RNGTT: variants seen among roughly 807,000 people sequenced by gnomAD.
RNGTT encodes mRNA-capping enzyme.
RNGTT carries 33 observed loss-of-function variants against 79.3 expected under a neutral mutation model. The observed-to-expected ratio is 0.42, with a 90% CI of 0.32 to 0.56. The LOEUF (loss-of-function observed/expected upper bound fraction) is 0.56, where lower values mean the gene tolerates loss of function less well. Ranked by LOEUF, RNGTT falls within the 20% of genes least tolerant of loss-of-function variation. The probability of loss-of-function intolerance (pLI) is 0.17; values close to 1 mark genes in which losing one functional copy is unlikely to be tolerated. For missense variants in RNGTT, 497 were observed against 739.1 expected, an observed-to-expected ratio of 0.67 and a Z score of 3.80; for synonymous variants, 222 against 235.9, an observed-to-expected ratio of 0.94 and a Z score of 0.54.
intron 11 of RNGTT, among the ~76,000 whole-genome samples, chr6:88,830,608 C>CAA (rs947332503): frequency 1.7e-4 from 24 of 139,852 alleles, no homozygotes; most frequent in Non-Finnish European, 1.7e-4. Context: ...GAGAGAGACA[C>CAA]AAAAAAAAAA....
At chr6:88,731,846 C>G (rs1279358355) in intron 13 of RNGTT, among the ~76,000 whole-genome samples, 1 of 151,954 alleles carries the variant, frequency 6.6e-6, no homozygotes, top group Non-Finnish European at 1.5e-5. Flanking sequence ...TGACCAGAAG[C>G]CTTACCAATA....
Position 88,716,902 on chromosome 6 carries a change from G to C in RNGTT, c.1440-38483C>G, listed in dbSNP as rs951519065. Reference sequence around the variant, plus strand: ...TTACTGGGTGCAGCACACCAACTTGGCACATGTATACATATGTAACTAACC... The same window carrying C: ...TTACTGGGTGCAGCACACCAACTTGCCACATGTATACATATGTAACTAACC... On this transcript the variant is annotated intron_variant, in intron 13 of 15. Coordinates refer to ENST00000369485, the MANE Select transcript of RNGTT (RefSeq NM_003800.5). 2.0e-5 allele frequency among the ~76,000 whole-genome samples: 3 copies of C among 151,962 alleles called. No homozygotes were observed. The East Asian group carries it at 5.8e-4, about 29-fold the overall frequency.
At chr6:88,955,057 C>T (rs1360820087) in intron 1 of RNGTT, among the ~76,000 whole-genome samples, 2 of 151,388 alleles carry the variant, frequency 1.3e-5, no homozygotes, top group Non-Finnish European at 2.9e-5. Flanking sequence ...GACTCCATCT[C>T]AGAAAAAATA....
intron 14 of RNGTT, among the ~76,000 whole-genome samples, chr6:88,643,145 CTTACATTTGG>C (rs1239173429): frequency 1.3e-5 from 2 of 151,920 alleles, no homozygotes; most frequent in African/African-American, 4.8e-5. Flanking sequence ...CTTACATTAG[CTTACATTTGG>C]GAAAAAAAAT....
intron 13 of RNGTT, among the ~76,000 whole-genome samples, chr6:88,696,504 G>A (rs555481172): frequency 6.6e-6 from 1 of 151,980 alleles, no homozygotes; most frequent in African/African-American, 2.4e-5. Context: ...AATGATTTAT[G>A]TGGGAATTAG....
At chr6:88,636,957 T>A (rs1278077491) in intron 14 of RNGTT, among the ~76,000 whole-genome samples, 1 of 152,066 alleles carries the variant, frequency 6.6e-6, no homozygotes, top group Non-Finnish European at 1.5e-5. Context: ...TTGAATCAGA[T>A]GCTTTTGATA....
chr6:88,893,663 G>T (rs898551027), intron 6 of RNGTT, among the ~76,000 whole-genome samples: 9 of 152,070 alleles, frequency 5.9e-5, no homozygotes. Flanking sequence ...ACTGAGTCTG[G>T]TTATAAAAGT....
chr6:88,902,690 CTTTTTTTT>C (rs71024315), intron 6 of RNGTT, among the ~76,000 whole-genome samples: 2 of 82,700 alleles, frequency 2.4e-5, no homozygotes, highest in South Asian at 4.8e-4. Flanking sequence ...ATAGTGAAAT[CTTTTTTTT>C]TTTTTTTTTT....
At chr6:88,949,023 CTTGTTTAT>C (rs1785134295) in intron 1 of RNGTT, among the ~76,000 whole-genome samples, 2 of 119,366 alleles carry the variant, frequency 1.7e-5, no homozygotes, top group South Asian at 6.1e-4. Context: ...CCTTTGTTCA[CTTGTTTAT>C]CTGCTGACCT....
chr6:88,721,029 C>T (rs748395677), intron 13 of RNGTT, among the ~76,000 whole-genome samples: 7 of 152,034 alleles, frequency 4.6e-5, no homozygotes, highest in Non-Finnish European at 7.4e-5. Context: ...AACCTCTTTC[C>T]CTCTTTGGAA....
chr6:88,641,769 A>G (rs975560552), intron 14 of RNGTT, among the ~76,000 whole-genome samples: 2 of 152,250 alleles, frequency 1.3e-5, no homozygotes, highest in African/African-American at 4.8e-5. Context: ...CTCATTGAAG[A>G]AAAGAAACCA....
At chr6:88,834,457 TA>T (rs1167737111) in intron 11 of RNGTT, among the ~76,000 whole-genome samples, 1 of 152,168 alleles carries the variant, frequency 6.6e-6, no homozygotes, top group Non-Finnish European at 1.5e-5. Flanking sequence ...ACAAACATGA[TA>T]AGGAATGGTC....
At chr6:88,950,379 T>C (rs1785202438) in intron 1 of RNGTT, among the ~76,000 whole-genome samples, 1 of 152,076 alleles carries the variant, frequency 6.6e-6, no homozygotes, top group African/African-American at 2.4e-5. Context: ...ACAGAGTGGG[T>C]TCCCTAAAAA....
At chr6:88,740,275 T>G (rs1166083972) in intron 13 of RNGTT, among the ~76,000 whole-genome samples, 1 of 151,846 alleles carries the variant, frequency 6.6e-6, no homozygotes, top group East Asian at 1.9e-4. Context: ...CCTAGCACTT[T>G]GGGGGGGCCG....
chr6:88,666,779 G>A (rs139317151), intron 14 of RNGTT, among the ~76,000 whole-genome samples: 3 of 152,330 alleles, frequency 2.0e-5, no homozygotes, highest in African/African-American at 7.2e-5. Context: ...CTTGGACACT[G>A]TTATTGAAGC....
At chr6:88,614,441 GC>G (rs1772146743) in intron 14 of RNGTT, 46 bp from the exon 15 acceptor site, 1 of 1,593,316 alleles carries the variant, frequency 6.3e-7, no homozygotes, top group Non-Finnish European at 8.6e-7. Context: ...AACTTGAAAG[GC>G]TTTTTGCTTC....
chr6:88,820,955 A>AT (rs1459292254), intron 11 of RNGTT, among the ~76,000 whole-genome samples: 2 of 152,094 alleles, frequency 1.3e-5, no homozygotes, highest in Non-Finnish European at 2.9e-5. Context: ...TGTCAAACTG[A>AT]TTTTAAAGGT....
intron 14 of RNGTT, among the ~76,000 whole-genome samples, chr6:88,623,945 C>T (rs1034768023): frequency 6.6e-6 from 1 of 151,814 alleles, no homozygotes; most frequent in Non-Finnish European, 1.5e-5. Context: ...TTTCTATATA[C>T]CAACAATGAA....
chr6:88,757,727 A>G (rs1322447138), intron 13 of RNGTT, among the ~76,000 whole-genome samples: 1 of 152,214 alleles, frequency 6.6e-6, no homozygotes, highest in African/African-American at 2.4e-5. Context: ...GGAACAAATA[A>G]CAAAACATAA....
Sources: allele counts gnomAD v4.1 joint callset (sites outside exome capture counted in the v4.1 genomes callset), GRCh38; gene constraint gnomAD v4.1.1; transcripts MANE v1.5; gene names NCBI Gene and HGNC (gene_info 2026-07-23, HGNC 2026-07-21).